LGALS8: variants seen among roughly 807,000 people sequenced by gnomAD.
The protein encoded by LGALS8 is galectin 8, also known as galectin-8.
LGALS8 carries 30 observed loss-of-function variants against 35.9 expected under a neutral mutation model. The observed-to-expected ratio is 0.83, with a 90% CI of 0.62 to 1.13. LGALS8 has a LOEUF of 1.13. LGALS8 is among the 50% of genes most tolerant of loss of function. LGALS8 has a pLI of 0.00. For synonymous variants in LGALS8, 138 were observed against 136.1 expected (o/e 1.01, Z -0.10); for missense variants, 366 against 388.7 (o/e 0.94, Z 0.49).
At position 236,548,449 on chromosome 1, in the gene LGALS8, A is replaced by G. The variant is rs78667467; in HGVS notation, c.*288A>G. ...GCCATTCAACAAGTATTTATGGAGT[A>G]CCTACTATAATACAGTAGCTAACAT... On this transcript the variant is annotated 3_prime_UTR_variant, in exon 10 of 10. Transcript: ENST00000366584. 2.6e-3 allele frequency: 1,098 copies of G among 420,064 alleles called. 6 individuals carry two copies. Among genetic ancestry groups the G allele is most frequent in the African/African-American group, 0.02 (1,010 of 50,152 alleles). The allele number at this position is 420,064 out of a possible 1,614,324, so 26.0% of individuals were successfully genotyped here.
intron 2 of LGALS8, among the ~76,000 whole-genome samples, chr1:236,537,233 T>C (rs2103087595): frequency 6.6e-6 from 1 of 152,042 alleles, no homozygotes; most frequent in South Asian, 2.1e-4. Context: ...GCCAGGATGG[T>C]CTCGATCTGC....
At chr1:236,521,073 A>C (rs1660534171), upstream of LGALS8, among the ~76,000 whole-genome samples, 1 of 152,196 alleles carries the variant, frequency 6.6e-6, no homozygotes, top group Non-Finnish European at 1.5e-5. Context: ...TGTGTCCTCA[A>C]CTAGAGTATA....
intron 2 of LGALS8, among the ~76,000 whole-genome samples, chr1:236,535,404 T>C (rs974681829): frequency 6.6e-6 from 1 of 152,172 alleles, no homozygotes; most frequent in African/African-American, 2.4e-5. Context: ...CAAGGTTTTC[T>C]TTTTAATGTT....
intron 9 of LGALS8, among the ~76,000 whole-genome samples, chr1:236,546,500 G>A (rs1662372145): frequency 6.6e-6 from 1 of 151,982 alleles, no homozygotes; most frequent in African/African-American, 2.4e-5. Flanking sequence ...ATCTCATTCA[G>A]TGTTGTAATT....
intron 9 of LGALS8, 118 bp from the exon 10 acceptor site, chr1:236,547,894 G>T (rs1406454425): frequency 1.2e-5 from 10 of 863,826 alleles, no homozygotes; most frequent in South Asian, 3.3e-5. Flanking sequence ...GTCAGCAGCA[G>T]CAGGCTGGAA....
rs777928404 is a variant in LGALS8 at position 236,548,316 on chromosome 1, G to C, written c.*155G>C. On this transcript the variant is annotated 3_prime_UTR_variant, in exon 10 of 10. Transcript: ENST00000366584. The stretch of plus-strand genomic sequence containing the variant: ...GCTGGGTGTTCTCAGTCCTTGCCAT[G>C]AAGTATGGTGGTGTCTAGCACTGAA... The C allele has an allele frequency of 1.4e-6, 1 of 706,930 alleles. No individual in the cohort carries two copies. The highest frequency in any genetic ancestry group is 2.3e-6 in the Non-Finnish European group (1 of 427,820). 43.8% of individuals were successfully genotyped at this position (706,930 alleles called of 1,614,324 possible). A position where few individuals can be genotyped will look rare whatever the true frequency, so the allele number is the denominator to read the frequency against.
At chr1:236,546,078 GATA>G (rs1034414598) in intron 9 of LGALS8, among the ~76,000 whole-genome samples, 7 of 152,176 alleles carry the variant, frequency 4.6e-5, no homozygotes, top group African/African-American at 7.2e-5. Flanking sequence ...TATAAAAAAG[GATA>G]ATAATGATAC....
At chr1:236,541,605 A>C (rs1271539046) in intron 5 of LGALS8, 49 bp from the exon 6 acceptor site, 2 of 988,854 alleles carry the variant, frequency 2.0e-6, no homozygotes, top group East Asian at 5.3e-5. Flanking sequence ...ATATTTAGAA[A>C]ATATTTTCTA....
intron 1 of LGALS8, 137 bp downstream of exon 1, chr1:236,524,198 A>T (rs755152414): frequency 6.6e-6 from 3 of 456,288 alleles, no homozygotes; most frequent in South Asian, 4.6e-5. Context: ...GACAGTGTCC[A>T]GTCCACCCCG....
At chr1:236,533,894 A>C (rs1395696764) in intron 2 of LGALS8, among the ~76,000 whole-genome samples, 1 of 74,142 alleles carries the variant, frequency 1.3e-5, no homozygotes, top group Non-Finnish European at 3.6e-5. Flanking sequence ...TACCAATGCC[A>C]CTGCTGTCTC....
At chr1:236,531,624 C>T (rs1208526249) in intron 2 of LGALS8, among the ~76,000 whole-genome samples, 2 of 152,110 alleles carry the variant, frequency 1.3e-5, no homozygotes, top group African/African-American at 4.8e-5. Flanking sequence ...CGCGCCCGGC[C>T]CCATTTTATT....
Position 236,537,502 on chromosome 1 carries a change from C to G in LGALS8, c.51C>G (p.Ile17Met). 1 of 1,583,990 alleles carries G rather than the reference C, an allele frequency of 6.3e-7. No individual in the cohort carries two copies. The change falls in exon 3 of 10, where the codon ATC becomes ATG. Residue 17 changes from isoleucine (I) to methionine (M), a missense_variant. By Grantham distance (10) the Ile-to-Met change is conservative. Transcript: ENST00000366584. ...NLQNIIYNPV[I>M]PFVGTIPDQL... ...TGTTAAATTTTTTTTCTTAGGTAATCCCGTTTGTTGGCACCATTCCTGATC... is the reference window on the plus strand; with the variant it reads ...TGTTAAATTTTTTTTCTTAGGTAATGCCGTTTGTTGGCACCATTCCTGATC...
chr1:236,549,117 G>A lies in LGALS8; in HGVS notation c.*956G>A, dbSNP rs1030999620. 1 of 397,476 alleles carries A rather than the reference G, an allele frequency of 2.5e-6. No individual in the cohort carries two copies. The highest frequency in any genetic ancestry group is 4.4e-6 in the Non-Finnish European group (1 of 225,602). 24.6% of individuals were successfully genotyped at this position (397,476 alleles called of 1,614,324 possible). ...CGCCAACTAAGGGACCCACAAAGCA[G>A]GCAGAGGTAATGCAGAAATCTGTTT... On this transcript the variant is annotated 3_prime_UTR_variant, in exon 10 of 10. Transcript: ENST00000366584.
chr1:236,543,101 C>T lies in LGALS8; in HGVS notation c.549+314C>T, dbSNP rs184961753. The T allele has an allele frequency of 1.3e-4, 188 of 1,460,964 alleles. No homozygotes were observed. The African/African-American group carries it at 1.9e-3, about 15-fold the overall frequency. The allele number at this position is 1,460,964 out of a possible 1,614,324, so 90.5% of individuals were successfully genotyped here. On this transcript the variant is annotated intron_variant, in intron 7 of 9. Transcript: ENST00000366584. Reference sequence around the variant, plus strand: ...AAAATTAAGTTGTAATGAGCTGTTACGAGTAACCTGTATCCACAATAGAGG... The same window carrying T: ...AAAATTAAGTTGTAATGAGCTGTTATGAGTAACCTGTATCCACAATAGAGG...
intron 4 of LGALS8, chr1:236,539,951 G>A (rs1457112554): frequency 2.8e-5 from 4 of 140,674 alleles, no homozygotes; most frequent in African/African-American, 1.0e-4. Flanking sequence ...ATAACCTAAC[G>A]TGGTACCTGG....
rs779278292 is a variant in LGALS8, at chr1:236,551,033, TCC to T, written c.*2873_*2874del. On this transcript the variant is annotated 3_prime_UTR_variant, in exon 10 of 10. Transcript: ENST00000366584. ...AAATCAAAATTAAAATCTGAGTCAG[TCC>T]GCCTGCCTCGGTTCTCATTAGTTTA... The T allele has an allele frequency of 7.9e-5, 113 of 1,426,080 alleles. No individual in the cohort carries two copies. The highest frequency in any genetic ancestry group is 1.0e-4 in the Non-Finnish European group (108 of 1,053,668). The allele number at this position is 1,426,080 out of a possible 1,614,324, so 88.3% of individuals were successfully genotyped here.
At position 236,552,142 on chromosome 1, in the gene LGALS8, A is replaced by ATTT. The variant is rs549597430; in HGVS notation, c.*3981_*3982insTTT. The ATTT allele has an allele frequency of 0.012, 16,843 of 1,358,070 alleles. 133 individuals are homozygous for ATTT. Among genetic ancestry groups the ATTT allele is most frequent in the Non-Finnish European group, 0.014 (13,305 of 950,874 alleles). 84.1% of individuals were successfully genotyped at this position (1,358,070 alleles called of 1,614,324 possible). On this transcript the variant is annotated 3_prime_UTR_variant, in exon 10 of 10. Transcript: ENST00000366584. The stretch of plus-strand genomic sequence containing the variant: ...ATAAAAGAGCAAAGAAATAAAAAGT[A>ATTT]GTGTTACTGTATTTATTATCTTAAG...
chr1:236,541,365 T>G (rs1174072288), intron 5 of LGALS8: 24 of 276,252 alleles, frequency 8.7e-5, no homozygotes, highest in Non-Finnish European at 1.6e-4. Context: ...ATGACTGTCT[T>G]TGCATTGAAA....
At chr1:236,535,578 C>T (rs1212655511) in intron 2 of LGALS8, among the ~76,000 whole-genome samples, 1 of 152,116 alleles carries the variant, frequency 6.6e-6, no homozygotes, top group Non-Finnish European at 1.5e-5. Flanking sequence ...GCTATGAAAC[C>T]TGCTGCTATA....
Sources: allele counts gnomAD v4.1 joint callset (sites outside exome capture counted in the v4.1 genomes callset), GRCh38; gene constraint gnomAD v4.1.1; transcripts MANE v1.5; gene names NCBI Gene and HGNC (gene_info 2026-07-23, HGNC 2026-07-21).